PRKD1: variants seen among roughly 807,000 people sequenced by gnomAD.
PRKD1 encodes serine/threonine-protein kinase D1.
A neutral mutation model predicts 95.9 loss-of-function variants in PRKD1; 63 were observed. The observed-to-expected ratio is 0.66, with a 90% CI of 0.54 to 0.81. The LOEUF is 0.81. PRKD1 is among the 30% of genes least tolerant of loss of function. PRKD1 has a pLI of 0.00. For synonymous variants in PRKD1, 425 were observed against 423.1 expected (o/e 1.00, Z -0.05); for missense variants, 1,048 against 1,165.3 (o/e 0.90, Z 1.47).
At chr14:29,748,035 C>T (rs920210297) in intron 1 of PRKD1, among the ~76,000 whole-genome samples, 6 of 152,268 alleles carry the variant, frequency 3.9e-5, no homozygotes, top group South Asian at 2.1e-4. Context: ...TGAGCCACCA[C>T]GCCCGGCCAA....
Position 29,806,866 on chromosome 14 carries a change from A to G in PRKD1, c.265-81192T>C, listed in dbSNP as rs115401676. On this transcript the variant is annotated intron_variant, in intron 1 of 17. Transcript: ENST00000331968. ...AAAACATGCCAGGAATACATTGAAC[A>G]TGTTGTGGATTCAGTTCAGATCACA... 6.6e-3 allele frequency among the ~76,000 whole-genome samples: 1,009 copies of G among 152,300 alleles called. 10 individuals carry two copies. The highest frequency in any genetic ancestry group is 0.023 in the African/African-American group (948 of 41,560).
At chr14:29,626,221 G>A (rs962913630) in intron 12 of PRKD1, among the ~76,000 whole-genome samples, 1 of 152,052 alleles carries the variant, frequency 6.6e-6, no homozygotes, top group African/African-American at 2.4e-5. Flanking sequence ...AACTTCTTCA[G>A]TACTGTGTGT....
At chr14:29,784,308 T>C (rs2139176465) in intron 1 of PRKD1, among the ~76,000 whole-genome samples, 1 of 152,204 alleles carries the variant, frequency 6.6e-6, no homozygotes, top group East Asian at 1.9e-4. Context: ...TGTATTATAT[T>C]TTAGAGTCAG....
chr14:29,585,063 T>C (rs990401730), intron 16 of PRKD1, among the ~76,000 whole-genome samples: 1 of 152,174 alleles, frequency 6.6e-6, no homozygotes, highest in African/African-American at 2.4e-5. Flanking sequence ...GTTTTCTCTT[T>C]TTTTTTTCCC....
intron 1 of PRKD1, among the ~76,000 whole-genome samples, chr14:29,748,083 A>G (rs1887311883): frequency 6.6e-6 from 1 of 152,094 alleles, no homozygotes; most frequent in Non-Finnish European, 1.5e-5. Context: ...ATCCAAATGC[A>G]CTCAATATAC....
At chr14:29,745,160 C>A (rs1388390316) in intron 1 of PRKD1, among the ~76,000 whole-genome samples, 1 of 152,208 alleles carries the variant, frequency 6.6e-6, no homozygotes, top group Non-Finnish European at 1.5e-5. Context: ...CCCTGACCAT[C>A]CACAAGGAAT....
intron 2 of PRKD1, among the ~76,000 whole-genome samples, chr14:29,686,130 G>A (rs1594427215): frequency 1.3e-5 from 2 of 152,236 alleles, no homozygotes; most frequent in East Asian, 1.9e-4. Context: ...GGATACAGAG[G>A]CCCTGTCCCA....
intron 1 of PRKD1, among the ~76,000 whole-genome samples, chr14:29,906,987 G>A (rs945055515): frequency 6.6e-6 from 1 of 152,132 alleles, no homozygotes; most frequent in South Asian, 2.1e-4. Context: ...GGTAAATTAG[G>A]CTGAGATTTG....
At chr14:29,782,583 T>A (rs1040508388) in intron 1 of PRKD1, among the ~76,000 whole-genome samples, 3 of 152,160 alleles carry the variant, frequency 2.0e-5, no homozygotes, top group African/African-American at 7.2e-5. Context: ...CCAGGCTAGA[T>A]GCGGTGGTGC....
intron 1 of PRKD1, among the ~76,000 whole-genome samples, chr14:29,779,050 G>C (rs929331409): frequency 8.5e-5 from 13 of 152,154 alleles, no homozygotes; most frequent in African/African-American, 2.2e-4. Flanking sequence ...ATGATTATCT[G>C]AATAGATGCA....
intron 4 of PRKD1, among the ~76,000 whole-genome samples, chr14:29,643,619 C>T (rs552547889): frequency 6.6e-6 from 1 of 152,218 alleles, no homozygotes; most frequent in Non-Finnish European, 1.5e-5. Context: ...GAAACTCCAA[C>T]TGCCAGCATG....
At chr14:29,644,511 A>G (rs1294995128) in intron 4 of PRKD1, among the ~76,000 whole-genome samples, 1 of 152,110 alleles carries the variant, frequency 6.6e-6, no homozygotes, top group African/African-American at 2.4e-5. Flanking sequence ...CCCATTGTTG[A>G]TGGATCTTTT....
At chr14:29,803,981 C>A (rs1368656691) in intron 1 of PRKD1, among the ~76,000 whole-genome samples, 1 of 152,098 alleles carries the variant, frequency 6.6e-6, no homozygotes, top group Non-Finnish European at 1.5e-5. Flanking sequence ...GTGGCTCACA[C>A]CTGTAATCCC....
chr14:29,808,550 C>T (rs1243739446), intron 1 of PRKD1, among the ~76,000 whole-genome samples: 1 of 151,580 alleles, frequency 6.6e-6, no homozygotes, highest in African/African-American at 2.4e-5. Context: ...CAGGCACCTG[C>T]CACCACACTC....
intron 2 of PRKD1, among the ~76,000 whole-genome samples, chr14:29,713,447 A>G (rs1483670484): frequency 6.6e-6 from 1 of 152,188 alleles, no homozygotes; most frequent in African/African-American, 2.4e-5. Context: ...AAGGCAGCTT[A>G]TGAAGTATAA....
intron 13 of PRKD1, among the ~76,000 whole-genome samples, chr14:29,617,208 C>T (rs561878794): frequency 8.3e-4 from 127 of 152,200 alleles, no homozygotes; most frequent in African/African-American, 2.9e-3. Context: ...CATTTTTCAC[C>T]ATTTAGGTTG....
chr14:29,596,300 T>C (rs1255805777), intron 16 of PRKD1, among the ~76,000 whole-genome samples: 1 of 152,204 alleles, frequency 6.6e-6, no homozygotes, highest in African/African-American at 2.4e-5. Flanking sequence ...CCTTTTCACA[T>C]GGTGAACATC....
chr14:29,885,461 T>TCA (rs1353806283), intron 1 of PRKD1, among the ~76,000 whole-genome samples: 1 of 152,154 alleles, frequency 6.6e-6, no homozygotes, highest in East Asian at 1.9e-4. Context: ...CATGTTCCTT[T>TCA]ATAAACTCCC....
chr14:29,794,861 A>C (rs1889741254), intron 1 of PRKD1, among the ~76,000 whole-genome samples: 1 of 152,120 alleles, frequency 6.6e-6, no homozygotes, highest in Non-Finnish European at 1.5e-5. Flanking sequence ...AATATTGATA[A>C]ATTCTTCTAA....
Sources: allele counts gnomAD v4.1 joint callset (sites outside exome capture counted in the v4.1 genomes callset), GRCh38; gene constraint gnomAD v4.1.1; transcripts MANE v1.5; gene names NCBI Gene and HGNC (gene_info 2026-07-23, HGNC 2026-07-21).